Variants in SLTM observed in about 807,000 individuals in gnomAD.
SLTM encodes the protein SAFB like transcription modulator.
Under a neutral mutation model 134.6 loss-of-function variants are expected in SLTM, and 43 were observed. That is an observed-to-expected ratio of 0.32 (90% confidence interval 0.25 to 0.41). The LOEUF is 0.41. Among genes scored for constraint, SLTM ranks in the 10% least tolerant of loss-of-function variants. SLTM has a pLI of 1.00. For missense variants in SLTM, 1,055 were observed against 1,288.8 expected (o/e 0.82, Z 2.78); for synonymous variants, 424 against 432.3 (o/e 0.98, Z 0.24).
At chr15:58,909,777 G>A (rs1311488971) in intron 5 of SLTM, among the ~76,000 whole-genome samples, 1 of 152,158 alleles carries the variant, frequency 6.6e-6, no homozygotes, top group Non-Finnish European at 1.5e-5. Flanking sequence ...ATAAACAAAG[G>A]AATATGTTGA....
At chr15:58,924,376 T>A (rs1214075403) in intron 2 of SLTM, among the ~76,000 whole-genome samples, 13 of 152,234 alleles carry the variant, frequency 8.5e-5, no homozygotes, top group African/African-American at 3.1e-4. Context: ...GTAGCATAAA[T>A]TTGTATAAGC....
In SLTM at chr15:58,886,852, C is replaced by A. The variant is rs573468056; in HGVS notation, c.2835+123G>T. On this transcript the variant is annotated intron_variant, in intron 19 of 20. Transcript: ENST00000380516. The stretch of plus-strand genomic sequence containing the variant: ...AAAAATTTAAATAAAAAATTAATGC[C>A]TCTGAATCATTCCAATCTAGCTAAT... 1.1e-4 allele frequency: 134 copies of A among 1,188,680 alleles called. No individual in the cohort carries two copies. The African/African-American group carries it at 2.0e-3, about 18-fold the overall frequency. The allele number at this position is 1,188,680 out of a possible 1,614,324, so 73.6% of individuals were successfully genotyped here.
chr15:58,912,253 C>A (rs537542117), intron 5 of SLTM, among the ~76,000 whole-genome samples: 1 of 152,072 alleles, frequency 6.6e-6, no homozygotes, highest in South Asian at 2.1e-4. Flanking sequence ...GTGCCCGCCA[C>A]CACGCCTAGC....
At chr15:58,920,199 C>G (rs2036926438) in intron 2 of SLTM, among the ~76,000 whole-genome samples, 1 of 151,966 alleles carries the variant, frequency 6.6e-6, no homozygotes, top group African/African-American at 2.4e-5. Flanking sequence ...CGCCTGTAAT[C>G]CCAGCTACTC....
chr15:58,908,465 C>T (rs2036031125), intron 5 of SLTM, among the ~76,000 whole-genome samples: 1 of 152,120 alleles, frequency 6.6e-6, no homozygotes, highest in Non-Finnish European at 1.5e-5. Context: ...CTCCTGGGGT[C>T]AAGTGATCTT....
At chr15:58,885,311 A>G (rs1192021955) in intron 19 of SLTM, among the ~76,000 whole-genome samples, 1 of 152,232 alleles carries the variant, frequency 6.6e-6, no homozygotes, top group Non-Finnish European at 1.5e-5. Context: ...AGAGAGGCTT[A>G]GATATAATAC....
chr15:58,890,582 G>A (rs1375600077), intron 14 of SLTM, 121 bp from the exon 15 acceptor site: 3 of 934,706 alleles, frequency 3.2e-6, no homozygotes, highest in African/African-American at 3.3e-5. Context: ...AATCTAAGTA[G>A]TTTTAATGTA....
chr15:58,886,858 A>G, intron 19 of SLTM, 117 bp downstream of exon 19: 1 of 1,256,200 alleles, frequency 8.0e-7, no homozygotes, highest in Non-Finnish European at 1.1e-6. Context: ...ATGCCTCTGA[A>G]TCATTCCAAT....
chr15:58,913,640 C>T lies in SLTM; in HGVS notation c.372G>A (p.Lys124=), dbSNP rs771191321. 1 of 1,613,558 alleles carries T rather than the reference C, an allele frequency of 6.2e-7. No homozygotes were observed. Among genetic ancestry groups the T allele is most frequent in the South Asian group, 1.1e-5 (1 of 91,072 alleles). Residue 124 remains lysine (K), a synonymous_variant, in exon 4 of 21, where the codon AAG becomes AAA. Transcript: ENST00000380516. ...AHEQDGNDEL[K]DSEEFGENEE... is the part of the protein sequence containing the mutation. ...CATTTTCACCAAATTCTTCAGAGTC[C>T]TTTAGTTCATCATTTCCATCTTGCT... is the stretch of plus-strand genomic sequence containing the variant.
chr15:58,893,709 G>T, intron 12 of SLTM, 112 bp downstream of exon 12: 1 of 1,160,098 alleles, frequency 8.6e-7, no homozygotes. Flanking sequence ...CTACCACAAT[G>T]ACACCTAACA....
Position 58,890,311 on chromosome 15 carries a change from G to A in SLTM, c.2049C>T (p.Arg683=). Reference sequence around the variant, plus strand: ...CAATACGAATGCGTTCCCTTTCCAAGCGTTCGCGTTCCATTCTCTCTCTCT... The same window carrying A: ...CAATACGAATGCGTTCCCTTTCCAAACGTTCGCGTTCCATTCTCTCTCTCT... The part of the protein sequence containing the change: ...KLERERMERE[R]LERERIRIEQ... Residue 683 remains arginine, a synonymous_variant, in exon 15 of 21, where the codon CGC becomes CGT. Coordinates refer to ENST00000380516, the MANE Select transcript of SLTM (RefSeq NM_024755.4). The A allele has an allele frequency of 1.2e-6, 2 of 1,614,068 alleles. No homozygotes were observed.
rs894960596 is a variant in SLTM at position 58,897,098 on chromosome 15, A to C, written c.1227+17T>G. Reference sequence around the variant, plus strand: ...GCAGACACCAGAAAGACAGATAAAAAGGTAAAAAGAATGTACCTTTCCATA... The same window carrying C: ...GCAGACACCAGAAAGACAGATAAAACGGTAAAAAGAATGTACCTTTCCATA... On this transcript the variant is annotated intron_variant, in intron 9 of 20. Transcript: ENST00000380516. 9.8e-6 allele frequency: 14 copies of C among 1,425,422 alleles called. No homozygotes were observed. The African/African-American group carries it at 1.8e-4, about 19-fold the overall frequency. The allele number at this position is 1,425,422 out of a possible 1,614,324, so 88.3% of individuals were successfully genotyped here.
At position 58,899,591 on chromosome 15, in the gene SLTM, C is replaced by T. The variant is rs1470324042; in HGVS notation, c.936G>A (p.Val312=). The T allele has an allele frequency of 6.2e-7, 1 of 1,614,204 alleles. No individual in the cohort carries two copies. Residue 312 remains valine (V), a synonymous_variant, in exon 7 of 21, where the codon GTG becomes GTA. Coordinates refer to ENST00000380516, the MANE Select transcript of SLTM (RefSeq NM_024755.4). The surrounding 1 kb of genome is among the most constrained non-coding windows in gnomAD (Gnocchi z 5.0). ...CTTCCTTCTCGACAGGGTCACCCTTCACGCAGTCTTCCTTCTTACCATCTT... is the reference window on the plus strand; with the variant it reads ...CTTCCTTCTCGACAGGGTCACCCTTTACGCAGTCTTCCTTCTTACCATCTT... ...NHKDGKKEDC[V]KGDPVEKEAR...
chr15:58,890,968 G>C (rs1225519689), intron 14 of SLTM, among the ~76,000 whole-genome samples: 1 of 152,120 alleles, frequency 6.6e-6, no homozygotes, highest in Non-Finnish European at 1.5e-5. Flanking sequence ...GGGCTATTTT[G>C]GAATGTTTAC....
chr15:58,914,153 C>G (rs574651604), intron 3 of SLTM, among the ~76,000 whole-genome samples: 1 of 152,288 alleles, frequency 6.6e-6, no homozygotes, highest in South Asian at 2.1e-4. Context: ...ATGCAAATAA[C>G]TAATTGAAAT....
chr15:58,901,347 T>C (rs1445480939), intron 5 of SLTM, 60 bp from the exon 6 acceptor site: 11 of 1,391,646 alleles, frequency 7.9e-6, no homozygotes, highest in Non-Finnish European at 1.1e-5. Flanking sequence ...ATTTTAGTAA[T>C]AGTACAAAAT....
At chr15:58,892,765 GA>G in intron 14 of SLTM, 131 bp downstream of exon 14, 2 of 881,366 alleles carry the variant, frequency 2.3e-6, no homozygotes, top group Non-Finnish European at 3.6e-6. Context: ...GAAATCATTA[GA>G]TGCTACCGTA....
At chr15:58,886,937 T>C in intron 19 of SLTM, 38 bp downstream of exon 19, 1 of 1,611,024 alleles carries the variant, frequency 6.2e-7, no homozygotes, top group South Asian at 1.1e-5. Flanking sequence ...TCTAAATGTA[T>C]GTGTGCAGGC....
At chr15:58,915,371 G>A (rs572006906) in intron 3 of SLTM, among the ~76,000 whole-genome samples, 1 of 152,232 alleles carries the variant, frequency 6.6e-6, no homozygotes, top group South Asian at 2.1e-4. Flanking sequence ...CATTTCAAAT[G>A]ACTGTAACAT....
Sources: allele counts gnomAD v4.1 joint callset (sites outside exome capture counted in the v4.1 genomes callset), GRCh38; gene constraint gnomAD v4.1.1; non-coding constraint Gnocchi (gnomAD v3.1); transcripts MANE v1.5; gene names NCBI Gene and HGNC (gene_info 2026-07-23, HGNC 2026-07-21).